Variants in TNFSF4 observed in about 807,000 individuals in gnomAD.
The protein encoded by TNFSF4 is tumor necrosis factor ligand superfamily member 4.
TNFSF4 carries 4 observed loss-of-function variants against 7.3 expected under a neutral mutation model. The observed-to-expected ratio is 0.55, with a 90% confidence interval of 0.27 to 1.25. The LOEUF is 1.25. Among genes scored for constraint, TNFSF4 ranks in the 50% most tolerant of loss-of-function variants. The pLI, the probability that TNFSF4 is intolerant of heterozygous loss-of-function variation, is 0.12. For missense variants in TNFSF4, 181 were observed against 208.8 expected, an observed-to-expected ratio of 0.87 and a Z score of 0.82; for synonymous variants, 76 against 83.7, an observed-to-expected ratio of 0.91 and a Z score of 0.50.
At chr1:173,435,748 G>GT in the TNFSF4 span, among the ~76,000 whole-genome samples, 1 of 152,176 alleles carries the variant, frequency 6.6e-6, no homozygotes. Context: ...TCTGAGGAAA[G>GT]TTTTTTAAAG....
the TNFSF4 span, among the ~76,000 whole-genome samples, chr1:173,259,068 T>A: frequency 2.0e-5 from 3 of 151,712 alleles, no homozygotes; most frequent in Non-Finnish European, 4.4e-5. Context: ...CAGGGGTCAC[T>A]AGACACCTTA....
the TNFSF4 span, among the ~76,000 whole-genome samples, chr1:173,267,485 A>T: frequency 6.6e-6 from 1 of 152,170 alleles, no homozygotes; most frequent in Non-Finnish European, 1.5e-5. Context: ...TGTATGTGTG[A>T]TAGTAATTAC....
the TNFSF4 span, among the ~76,000 whole-genome samples, chr1:173,304,233 CT>C: frequency 3.3e-5 from 5 of 151,924 alleles, no homozygotes; most frequent in Middle Eastern, 6.8e-3. Flanking sequence ...AAAATAAAAC[CT>C]TTATTGCACG....
the TNFSF4 span, among the ~76,000 whole-genome samples, chr1:173,290,138 A>C: frequency 1.3e-5 from 2 of 152,190 alleles, no homozygotes; most frequent in Admixed American, 1.3e-4. Context: ...CCACAAAAAC[A>C]CACTCAAGTA....
the TNFSF4 span, among the ~76,000 whole-genome samples, chr1:173,354,020 C>A: frequency 3.2e-4 from 46 of 142,610 alleles, 1 homozygote; most frequent in Admixed American, 1.9e-3. Context: ...CACACACACA[C>A]AAAAAAAAAA....
chr1:173,383,075 G>A, the TNFSF4 span, among the ~76,000 whole-genome samples: 2 of 152,116 alleles, frequency 1.3e-5, no homozygotes, highest in Non-Finnish European at 1.5e-5. Flanking sequence ...CCCAACATAC[G>A]TTGGGAGATG....
chr1:173,296,784 C>T, the TNFSF4 span, among the ~76,000 whole-genome samples: 1 of 151,850 alleles, frequency 6.6e-6, no homozygotes, highest in South Asian at 2.1e-4. Flanking sequence ...ATCATGCTTC[C>T]CCTATAGCAG....
the TNFSF4 span, among the ~76,000 whole-genome samples, chr1:173,296,996 C>A: frequency 6.6e-6 from 1 of 151,902 alleles, no homozygotes; most frequent in African/African-American, 2.4e-5. Context: ...GAAGAAAGCC[C>A]ACACATTATA....
the TNFSF4 span, among the ~76,000 whole-genome samples, chr1:173,284,190 A>G: frequency 6.6e-6 from 1 of 152,196 alleles, no homozygotes; most frequent in Non-Finnish European, 1.5e-5. Context: ...CCAGAAGGTA[A>G]GTTACTCATT....
the TNFSF4 span, among the ~76,000 whole-genome samples, chr1:173,367,205 G>C: frequency 1.3e-5 from 2 of 152,180 alleles, no homozygotes; most frequent in Non-Finnish European, 2.9e-5. Flanking sequence ...TCTCACGACT[G>C]CAAGGACTTT....
At chr1:173,418,451 AG>A in the TNFSF4 span, 2 of 152,100 alleles carry the variant, frequency 1.3e-5, no homozygotes, top group African/African-American at 4.8e-5. Flanking sequence ...TGTAAATACC[AG>A]GGTCGGGTCC....
At chr1:173,343,901 A>C in the TNFSF4 span, among the ~76,000 whole-genome samples, 1 of 152,238 alleles carries the variant, frequency 6.6e-6, no homozygotes, top group Non-Finnish European at 1.5e-5. Flanking sequence ...AGTACTGACA[A>C]TGGAAATAAA....
the TNFSF4 span, among the ~76,000 whole-genome samples, chr1:173,414,538 A>T: frequency 1.3e-5 from 2 of 152,254 alleles, no homozygotes; most frequent in Non-Finnish European, 2.9e-5. Flanking sequence ...CTTGTCCAAG[A>T]TCTAGATAAA....
the TNFSF4 span, among the ~76,000 whole-genome samples, chr1:173,233,322 G>T: frequency 9.6e-3 from 1,457 of 152,252 alleles, 7 homozygotes; most frequent in Non-Finnish European, 0.014. Context: ...AGAAATATGG[G>T]ACTATGTGAA....
Position 173,183,823 on chromosome 1 carries a change from G to C in TNFSF4, c.*2693C>G, listed in dbSNP as rs1254927540. 6.6e-6 allele frequency: 1 copy of C among 152,098 alleles called. No homozygotes were observed. Among genetic ancestry groups the C allele is most frequent in the Non-Finnish European group, 1.5e-5 (1 of 68,026 alleles). 9.4% of individuals were successfully genotyped at this position (152,098 alleles called of 1,614,324 possible). Reference sequence around the variant, plus strand: ...ATATCAATATTAATACTCTCTGAGAGCCAGGAAAGCACTAAATACAAAATT... The same window carrying C: ...ATATCAATATTAATACTCTCTGAGACCCAGGAAAGCACTAAATACAAAATT... On this transcript the variant is annotated 3_prime_UTR_variant, in exon 3 of 3. Transcript: ENST00000281834.
the TNFSF4 span, among the ~76,000 whole-genome samples, chr1:173,415,227 G>A: frequency 6.6e-6 from 1 of 152,248 alleles, no homozygotes; most frequent in African/African-American, 2.4e-5. Flanking sequence ...AGTTTATTAG[G>A]GGCAAGACCA....
chr1:173,442,549 TTG>T, the TNFSF4 span, among the ~76,000 whole-genome samples: 34 of 128,616 alleles, frequency 2.6e-4, 8 homozygotes, highest in Non-Finnish European at 2.8e-4. Context: ...GTTTTTGTTT[TTG>T]TTTTTTTTTT....
the TNFSF4 span, among the ~76,000 whole-genome samples, chr1:173,384,660 T>C: frequency 1.3e-5 from 2 of 151,976 alleles, no homozygotes; most frequent in Non-Finnish European, 2.9e-5. Flanking sequence ...ACTGCAAATT[T>C]AGAGAAAAAA....
At chr1:173,272,371 A>G in the TNFSF4 span, among the ~76,000 whole-genome samples, 1 of 152,092 alleles carries the variant, frequency 6.6e-6, no homozygotes, top group East Asian at 1.9e-4. Context: ...CTGAGAATTT[A>G]ACCATGTCAA....
Sources: gnomAD v4.1 joint callset for allele counts (sites outside exome capture counted in the v4.1 genomes callset) on GRCh38, gnomAD v4.1.1 for gene constraint, MANE v1.5 for transcripts, NCBI Gene and HGNC (gene_info 2026-07-23, HGNC 2026-07-21) for gene names.